The following DYSF variants were observed in gnomAD, a reference collection of about 807,000 sequenced individuals.
The protein encoded by DYSF is dysferlin, also known as dystrophy-associated fer-1-like 1.
DYSF carries 212 observed loss-of-function variants against 274.9 expected under a neutral mutation model. The observed-to-expected ratio is 0.77, with a 90% CI of 0.69 to 0.86. DYSF has a LOEUF of 0.86. DYSF is among the 40% of genes least tolerant of loss of function. The pLI is 0.00. For synonymous variants in DYSF, 1,091 were observed against 1,078.7 expected (o/e 1.01, Z -0.22); for missense variants, 2,666 against 2,783.2 (o/e 0.96, Z 0.95).
intron 41 of DYSF, among the ~76,000 whole-genome samples, chr2:71,634,858 A>G (rs2152914419): frequency 6.6e-6 from 1 of 152,260 alleles, no homozygotes; most frequent in Middle Eastern, 3.4e-3. Context: ...CACACAGGCC[A>G]TACTGCATCT....
intron 43 of DYSF, among the ~76,000 whole-genome samples, chr2:71,656,513 TGA>T (rs1409422923): frequency 6.6e-6 from 1 of 152,074 alleles, no homozygotes; most frequent in East Asian, 1.9e-4. Flanking sequence ...CTGGTAGAGA[TGA>T]GAGTGGTGGT....
intron 51 of DYSF, among the ~76,000 whole-genome samples, chr2:71,673,575 A>G (rs535194841): frequency 1.3e-5 from 2 of 152,174 alleles, no homozygotes; most frequent in Admixed American, 6.5e-5. Context: ...AGATCCTTCT[A>G]TGACAGCCAG....
chr2:71,620,662 G>T, intron 41 of DYSF, 53 bp downstream of exon 41: 1 of 1,523,440 alleles, frequency 6.6e-7, no homozygotes, highest in Non-Finnish European at 8.9e-7. Flanking sequence ...GTGGGGCTGG[G>T]GGTAGGGGGG....
intron 40 of DYSF, among the ~76,000 whole-genome samples, chr2:71,617,068 C>A (rs971891649): frequency 6.6e-6 from 1 of 152,112 alleles, no homozygotes; most frequent in South Asian, 2.1e-4. Context: ...CCCCAGAAAT[C>A]GCACCTTTGA....
In DYSF at chr2:71,551,140, A is replaced by G. The variant is rs541663451; in HGVS notation, c.1676A>G (p.Glu559Gly). The G allele has an allele frequency of 4.5e-5, 72 of 1,614,126 alleles. 1 individual carries two copies. The South Asian group carries it at 6.5e-4, about 15-fold the overall frequency. Residue 559 changes from glutamate to glycine, a missense_variant, in exon 18 of 56, where the codon GAG (glutamate) becomes GGG (glycine). This residue lies in a region of DYSF where 794 missense variants were observed against 777.1 expected (regional missense o/e 1.02). Coordinates refer to ENST00000410020, the MANE Select transcript of DYSF (RefSeq NM_001130987.2). Reference protein sequence around the residue: ...EFTGFPDPYTELNTGKGEGVA... With the variant: ...EFTGFPDPYTGLNTGKGEGVA... Reference sequence around the variant, plus strand: ...ACAGGCTTCCCAGACCCCTACACAGAGCTCAACACAGGCAAGGTAAGCCGG... The same window carrying G: ...ACAGGCTTCCCAGACCCCTACACAGGGCTCAACACAGGCAAGGTAAGCCGG...
chr2:71,513,824 T>C lies in DYSF; in HGVS notation c.662T>C (p.Leu221Pro), dbSNP rs1215163801. 20 of 1,614,152 alleles carry C rather than the reference T, an allele frequency of 1.2e-5. No homozygotes were observed. The highest frequency in any genetic ancestry group is 1.6e-5 in the Non-Finnish European group (19 of 1,180,010). ...GPGAPTTPRK[L>P]PSRPPPHYPG... ...GGGGCTCCCACCACCCCAAGGAAAC[T>C]ACCTTCACGTCCTCCGCCCCACTAC... Residue 221 changes from leucine to proline, a missense_variant, in exon 7 of 56, where the codon CTA becomes CCA. Leu to Pro is a moderately conservative substitution (Grantham distance 98). Transcript: ENST00000410020.
intron 1 of DYSF, among the ~76,000 whole-genome samples, chr2:71,458,337 C>T (rs2081153897): frequency 6.6e-6 from 1 of 152,094 alleles, no homozygotes; most frequent in Non-Finnish European, 1.5e-5. Flanking sequence ...TGTACACATC[C>T]ACAAAGGCTT....
At chr2:71,636,114 G>A (rs1194627847) in intron 41 of DYSF, among the ~76,000 whole-genome samples, 1 of 152,186 alleles carries the variant, frequency 6.6e-6, no homozygotes, top group Non-Finnish European at 1.5e-5. Context: ...CAGCATGAGT[G>A]AGGAAGAAAG....
intron 3 of DYSF, among the ~76,000 whole-genome samples, chr2:71,482,364 G>GGCAA (rs1204489248): frequency 1.3e-5 from 2 of 152,246 alleles, no homozygotes; most frequent in African/African-American, 4.8e-5. Context: ...CAGGCAGGCA[G>GGCAA]GCAAAGTGAA....
upstream of DYSF, among the ~76,000 whole-genome samples, chr2:71,464,492 G>T (rs2152637271): frequency 6.6e-6 from 1 of 152,350 alleles, no homozygotes; most frequent in African/African-American, 2.4e-5. Flanking sequence ...GATATCTGAA[G>T]GAAAGGAAGA....
At chr2:71,528,186 C>G (rs559648361) in intron 13 of DYSF, 112 bp from the exon 14 acceptor site, 173 of 973,448 alleles carry the variant, frequency 1.8e-4, no homozygotes, top group Non-Finnish European at 2.6e-4. Context: ...GTGAAGGGGC[C>G]AAAGCTTCTT....
At chr2:71,664,246 C>G in intron 45 of DYSF, 22 bp from the exon 46 acceptor site, 1 of 1,613,674 alleles carries the variant, frequency 6.2e-7, no homozygotes. Flanking sequence ...TGGCTGACAT[C>G]GGGAATCTGC....
chr2:71,550,463 G>T (rs1245020108), intron 17 of DYSF, among the ~76,000 whole-genome samples: 1 of 152,212 alleles, frequency 6.6e-6, no homozygotes, highest in Admixed American at 6.5e-5. Flanking sequence ...AGGGCAGAGG[G>T]TATGTGCCTG....
chr2:71,502,044 C>A (rs2085027158), intron 3 of DYSF, among the ~76,000 whole-genome samples: 1 of 151,584 alleles, frequency 6.6e-6, no homozygotes, highest in South Asian at 2.1e-4. Context: ...TTCTCCATAT[C>A]CTGGCCAACA....
At chr2:71,627,191 T>G (rs2094222085) in intron 41 of DYSF, among the ~76,000 whole-genome samples, 1 of 151,750 alleles carries the variant, frequency 6.6e-6, no homozygotes, top group African/African-American at 2.4e-5. Flanking sequence ...TTTGGGGGAG[T>G]TTATTATATT....
At chr2:71,469,451 AG>A (rs2081807235) in intron 1 of DYSF, among the ~76,000 whole-genome samples, 1 of 152,116 alleles carries the variant, frequency 6.6e-6, no homozygotes, top group African/African-American at 2.4e-5. Context: ...ATGTGCAGTC[AG>A]GGTTGAGAAC....
At chr2:71,677,977 T>C (rs1029169735) in intron 52 of DYSF, among the ~76,000 whole-genome samples, 1 of 152,232 alleles carries the variant, frequency 6.6e-6, no homozygotes, top group Non-Finnish European at 1.5e-5. Context: ...ATGAACAAAG[T>C]GTGGTACAGG....
At chr2:71,555,347 G>C (rs968138040) in intron 21 of DYSF, among the ~76,000 whole-genome samples, 10 of 152,170 alleles carry the variant, frequency 6.6e-5, no homozygotes, top group Admixed American at 2.0e-4. Flanking sequence ...TGCTGGGTGG[G>C]GAGGGGTGTG....
At chr2:71,546,706 G>A (rs75444830) in intron 17 of DYSF, among the ~76,000 whole-genome samples, 20 of 152,226 alleles carry the variant, frequency 1.3e-4, no homozygotes, top group African/African-American at 4.3e-4. Context: ...GTTTTCCATA[G>A]TTAAGAAATC....
Sources: allele counts gnomAD v4.1 joint callset (sites outside exome capture counted in the v4.1 genomes callset), GRCh38; gene constraint gnomAD v4.1.1; regional missense constraint gnomAD v4.1.1; transcripts MANE v1.5; gene names NCBI Gene and HGNC (gene_info 2026-07-23, HGNC 2026-07-21).